Variants in ZNF3 observed in about 807,000 individuals in gnomAD.
ZNF3 encodes the protein C2-H2 type zinc finger protein.
In ZNF3, 16 loss-of-function variants were observed where a neutral mutation model predicts 36.9. The observed-to-expected ratio is 0.43, with a 90% CI of 0.29 to 0.66. The LOEUF is 0.66. ZNF3 is among the 30% of genes least tolerant of loss of function. The pLI, the probability that ZNF3 is intolerant of heterozygous loss-of-function variation, is 0.13. For missense variants in ZNF3, 462 were observed against 543.1 expected (o/e 0.85, Z 1.48); for synonymous variants, 201 against 201.9 (o/e 1.00, Z 0.04).
rs1562861049 is a variant in ZNF3, at chr7:100,071,180, C to CT, written c.1303dup (p.Arg435LysfsTer25). 1 of 1,608,900 alleles carries CT rather than the reference C, an allele frequency of 6.2e-7. No homozygotes were observed. On this transcript the variant is annotated frameshift_variant, in exon 6 of 6. Transcript: ENST00000299667. LOFTEE classifies it high-confidence loss of function. ...TCTGATATTTAACTCGGTCGTAACT[C>CT]TGAGGGAGCTTTTGCTCATGCCGAT...
rs1432536934 is a variant in ZNF3, at chr7:100,072,015, G to T, written c.469C>A (p.Gln157Lys). The change falls in exon 6 of 6, where the codon CAA (glutamine) becomes AAA (lysine). Residue 157 changes from glutamine to lysine, a missense_variant. Transcript: ENST00000299667. ...GTTAGCTTCTCCTCAACTGTCACTT[G>T]ACCAAAATCTGGCATTTTCCTGTTC... ...RLNRKMPDFG[Q>K]VTVEEKLTPR... The T allele has an allele frequency of 6.8e-6, 11 of 1,613,850 alleles. No homozygotes were observed. Among genetic ancestry groups the T allele is most frequent in the Middle Eastern group, 1.6e-4 (1 of 6,084 alleles).
chr7:100,070,509 G>C lies in ZNF3; in HGVS notation c.*634C>G. 1 of 985,602 alleles carries C rather than the reference G, an allele frequency of 1.0e-6. No individual in the cohort carries two copies. The highest frequency in any genetic ancestry group is 1.2e-6 in the Non-Finnish European group (1 of 830,144). The allele number at this position is 985,602 out of a possible 1,614,324, so 61.1% of individuals were successfully genotyped here. A position where few individuals can be genotyped will look rare whatever the true frequency, so the allele number is the denominator to read the frequency against. On this transcript the variant is annotated 3_prime_UTR_variant, in exon 6 of 6. Coordinates refer to ENST00000299667, the MANE Select transcript of ZNF3 (RefSeq NM_032924.5). ...GGGGGGGATGGCAGGGGGTCTGCTG[G>C]CAATATCACCAGGTTTCTCTTGGAA...
At position 100,071,585 on chromosome 7, in the gene ZNF3, G is replaced by A. The variant is rs201132216; in HGVS notation, c.899C>T (p.Thr300Ile). The A allele has an allele frequency of 3.7e-4, 590 of 1,612,368 alleles. No individual in the cohort carries two copies. Among genetic ancestry groups the A allele is most frequent in the Non-Finnish European group, 4.9e-4 (575 of 1,179,666 alleles). ...ACCAGTGTGGATTCTCTGATGGTGG[G>A]TGAGGGTGGAGCTCCAGCTGAAGGT... is the stretch of plus-strand genomic sequence containing the variant. Reference protein sequence around the residue: ...GKTFSWSSTLTHHQRIHTGEK... With the variant: ...GKTFSWSSTLIHHQRIHTGEK... The change falls in exon 6 of 6, where the codon ACC (threonine) becomes ATC (isoleucine). Residue 300 changes from threonine to isoleucine, a missense_variant. Coordinates refer to ENST00000299667, the MANE Select transcript of ZNF3 (RefSeq NM_032924.5).
chr7:100,063,995 C>T (rs778952751), downstream of ZNF3: 3 of 1,614,170 alleles, frequency 1.9e-6, no homozygotes, highest in Non-Finnish European at 2.5e-6. Flanking sequence ...GAATCAGTTC[C>T]TACTAAACCT....
At position 100,064,109 on chromosome 7, in the gene ZNF3, AC is replaced by A. The variant is rs752128446; in HGVS notation, c.*678del. 1.2e-5 allele frequency: 19 copies of A among 1,614,182 alleles called. No homozygotes were observed. In the East Asian group the frequency reaches 4.2e-4, roughly 36 times the overall value. ...AGAACACACACTGGGGAGAAACCTT[AC>A]GTGTGCACCAAGTGTGGGAAAGCTT... On this transcript the variant is annotated 3_prime_UTR_variant, in exon 6 of 6. Transcript: ENST00000413658.
chr7:100,075,476 A>T, intron 4 of ZNF3, 66 bp downstream of exon 4: 23 of 1,589,616 alleles, frequency 1.4e-5, no homozygotes, highest in Non-Finnish European at 2.0e-5. Context: ...CAGGGTTTAA[A>T]GCTCTGAATG....
upstream of ZNF3, among the ~76,000 whole-genome samples, chr7:100,081,980 T>C (rs1795057313): frequency 6.6e-6 from 1 of 152,000 alleles, no homozygotes; most frequent in African/African-American, 2.4e-5. This position sits in a 1 kb window ranked among gnomAD's most constrained non-coding sequence, Gnocchi z 4.3. Context: ...CCGACCACGG[T>C]CCTGGGCCTC....
Position 100,070,250 on chromosome 7 carries a change from G to A in ZNF3, c.*893C>T. ...AGAGTCAGAGGTGGAGGCAGGAGTG[G>A]TCTGGCTCCTGGGGCTGGGTGTCAG... is the stretch of plus-strand genomic sequence containing the variant. On this transcript the variant is annotated 3_prime_UTR_variant, in exon 6 of 6. Transcript: ENST00000299667. 1 of 985,488 alleles carries A rather than the reference G, an allele frequency of 1.0e-6. No homozygotes were observed. 61.0% of individuals were successfully genotyped at this position (985,488 alleles called of 1,614,324 possible).
Position 100,072,331 on chromosome 7 carries a change from C to G in ZNF3, c.272-119G>C, listed in dbSNP as rs376874055. 8.5e-6 allele frequency: 8 copies of G among 938,354 alleles called. No homozygotes were observed. The East Asian group carries it at 2.1e-4, about 24-fold the overall frequency. The allele number at this position is 938,354 out of a possible 1,614,324, so 58.1% of individuals were successfully genotyped here. On this transcript the variant is annotated intron_variant, in intron 5 of 5. Coordinates refer to ENST00000299667, the MANE Select transcript of ZNF3 (RefSeq NM_032924.5). ...CCAAAAGCACATGCCTACAAAGAGG[C>G]CTGCCCCACATGTGTGCGGCTAAGG...
In ZNF3 at chr7:100,075,252, T is replaced by C. The variant is rs1793884987; in HGVS notation, c.154A>G (p.Thr52Ala). The stretch of plus-strand genomic sequence containing the variant: ...AAGTACACAGCTACATCCTCAAAGG[T>C]TACCAGCTCCTGAAACAACACGTGC... ...LLKAKSQELV[T>A]FEDVAVYFIR... The change falls in exon 5 of 6, where the codon ACC becomes GCC. Residue 52 changes from threonine to alanine, a missense_variant. Thr to Ala is a moderately conservative substitution (Grantham distance 58, BLOSUM62 0). Transcript: ENST00000299667. 6.2e-7 allele frequency: 1 copy of C among 1,613,918 alleles called. No homozygotes were observed. The highest frequency in any genetic ancestry group is 1.3e-5 in the African/African-American group (1 of 74,862).
intron 1 of ZNF3, among the ~76,000 whole-genome samples, chr7:100,080,566 C>G (rs1470026062): frequency 1.3e-5 from 2 of 151,078 alleles, no homozygotes; most frequent in Non-Finnish European, 2.9e-5. Flanking sequence ...AATCCCAACA[C>G]TTTGGGAGGC....
chr7:100,064,661 T>C (rs1007616452), exon 6 of ZNF3: 1 of 1,602,782 alleles, frequency 6.2e-7, no homozygotes, highest in African/African-American at 1.3e-5. Flanking sequence ...AACTTTAGAA[T>C]CTGAAAACCA....
Position 100,070,275 on chromosome 7 carries a change from G to A in ZNF3, c.*868C>T. 2 of 985,590 alleles carry A rather than the reference G, an allele frequency of 2.0e-6. No individual in the cohort carries two copies. Among genetic ancestry groups the A allele is most frequent in the Non-Finnish European group, 1.2e-6 (1 of 830,072 alleles). The allele number at this position is 985,590 out of a possible 1,614,324, so 61.1% of individuals were successfully genotyped here. A position where few individuals can be genotyped will look rare whatever the true frequency, so the allele number is the denominator to read the frequency against. On this transcript the variant is annotated 3_prime_UTR_variant, in exon 6 of 6. Transcript: ENST00000299667. ...GTCTGGCTCCTGGGGCTGGGTGTCA[G>A]AGGTGAGAGGGCAGGGCAAGCAGGC...
At chr7:100,075,409 T>C (rs1157510569) in intron 4 of ZNF3, 133 bp downstream of exon 4, 14 of 1,516,826 alleles carry the variant, frequency 9.2e-6, no homozygotes, top group Non-Finnish European at 1.3e-5. Flanking sequence ...GAGTCCAAGA[T>C]AGAAGGTGAG....
At chr7:100,073,885 G>C (rs1793628509) in intron 5 of ZNF3, among the ~76,000 whole-genome samples, 1 of 151,924 alleles carries the variant, frequency 6.6e-6, no homozygotes, top group Admixed American at 6.6e-5. Flanking sequence ...GCCAGGCGCG[G>C]TGGCTCATGC....
chr7:100,063,905 T>G, downstream of ZNF3: 2 of 1,614,128 alleles, frequency 1.2e-6, no homozygotes, highest in South Asian at 2.2e-5. Context: ...GAGGCCAGCT[T>G]AGAGAGGCAG....
At chr7:100,068,369 C>T (rs1349450844), downstream of ZNF3, among the ~76,000 whole-genome samples, 1 of 151,500 alleles carries the variant, frequency 6.6e-6, no homozygotes, top group Non-Finnish European at 1.5e-5. Context: ...CATGAGAACA[C>T]AGATTTAAAA....
At chr7:100,077,635 G>T in intron 2 of ZNF3, 1 of 286,104 alleles carries the variant, frequency 3.5e-6, no homozygotes, top group Non-Finnish European at 6.3e-6. Flanking sequence ...TGCCCAGGCA[G>T]GTCTGGAACT....
At chr7:100,075,760 A>G in intron 3 of ZNF3, 130 bp from the exon 4 acceptor site, 1 of 819,606 alleles carries the variant, frequency 1.2e-6, no homozygotes, top group Non-Finnish European at 2.0e-6. Context: ...CACATTTCTA[A>G]GTTTGCTTCC....
Sources: allele counts gnomAD v4.1 joint callset (sites outside exome capture counted in the v4.1 genomes callset), GRCh38; gene constraint gnomAD v4.1.1; non-coding constraint Gnocchi (gnomAD v3.1); transcripts MANE v1.5; gene names NCBI Gene and HGNC (gene_info 2026-07-23, HGNC 2026-07-21).